Variants in CNTNAP5 observed in about 807,000 individuals in gnomAD.
The protein encoded by CNTNAP5 is contactin-associated protein-like 5.
Under a neutral mutation model 150.2 loss-of-function variants are expected in CNTNAP5, and 72 were observed. The ratio of observed to expected loss-of-function variants is 0.48; its 90% CI spans 0.40 to 0.58. The LOEUF (loss-of-function observed/expected upper bound fraction) is 0.58, where lower values mean the gene tolerates loss of function less well. Ranked by LOEUF, CNTNAP5 falls within the 20% of genes least tolerant of loss-of-function variation. The probability of loss-of-function intolerance (pLI) is 0.00; values close to 1 mark genes in which losing one functional copy is unlikely to be tolerated. For synonymous variants in CNTNAP5, 672 were observed against 619.8 expected, an observed-to-expected ratio of 1.08 and a Z score of -1.25; for missense variants, 1,636 against 1,626.2, an observed-to-expected ratio of 1.01 and a Z score of -0.10.
chr2:124,454,130 C>T (rs561069452), intron 6 of CNTNAP5, among the ~76,000 whole-genome samples: 50 of 152,210 alleles, frequency 3.3e-4, no homozygotes, highest in Admixed American at 5.2e-4. Context: ...AGTTCACCAA[C>T]CAACTATCTG....
intron 1 of CNTNAP5, among the ~76,000 whole-genome samples, chr2:124,161,889 T>C (rs1684689483): frequency 6.6e-6 from 1 of 152,170 alleles, no homozygotes; most frequent in African/African-American, 2.4e-5. Context: ...TTATGGATGA[T>C]TGGAAAATAT....
At chr2:124,831,927 G>C (rs1682724482) in intron 19 of CNTNAP5, among the ~76,000 whole-genome samples, 1 of 151,950 alleles carries the variant, frequency 6.6e-6, no homozygotes, top group South Asian at 2.1e-4. Context: ...TGAATATCAA[G>C]TGTTTACCTA....
chr2:124,398,212 A>G (rs1036554375), intron 3 of CNTNAP5, among the ~76,000 whole-genome samples: 2 of 152,106 alleles, frequency 1.3e-5, no homozygotes, highest in African/African-American at 4.8e-5. Context: ...GAGGAGACCA[A>G]CCTAAATACA....
chr2:124,215,646 G>C (rs543394423), intron 1 of CNTNAP5, among the ~76,000 whole-genome samples: 47 of 140,140 alleles, frequency 3.4e-4, no homozygotes, highest in Non-Finnish European at 5.0e-4. Context: ...CTGTTTGTTT[G>C]ACTTCTGCCC....
intron 1 of CNTNAP5, among the ~76,000 whole-genome samples, chr2:124,192,817 T>C (rs1211949958): frequency 6.6e-6 from 1 of 152,170 alleles, no homozygotes; most frequent in Non-Finnish European, 1.5e-5. Flanking sequence ...CTTCTCCTGG[T>C]CTTGCTGTAT....
intron 3 of CNTNAP5, among the ~76,000 whole-genome samples, chr2:124,289,968 C>T (rs900054766): frequency 6.6e-6 from 1 of 152,038 alleles, no homozygotes; most frequent in Non-Finnish European, 1.5e-5. Flanking sequence ...ATTTATTATT[C>T]CAAATTTATT....
chr2:124,369,794 C>T (rs1558871531), intron 3 of CNTNAP5, among the ~76,000 whole-genome samples: 1 of 152,124 alleles, frequency 6.6e-6, no homozygotes, highest in Non-Finnish European at 1.5e-5. Flanking sequence ...GAGGTCTTGA[C>T]TATATCTATT....
At chr2:124,419,960 T>TCCTTTTTTC (rs1558894078) in intron 4 of CNTNAP5, among the ~76,000 whole-genome samples, 10 of 16,954 alleles carry the variant, frequency 5.9e-4, no homozygotes, top group African/African-American at 1.4e-3. Context: ...TTCTTTCCTT[T>TCCTTTTTTC]TCTCTCTCTC....
chr2:124,030,969 T>TCTGC (rs1448409661), intron 1 of CNTNAP5, among the ~76,000 whole-genome samples: 1 of 152,100 alleles, frequency 6.6e-6, no homozygotes, highest in Non-Finnish European at 1.5e-5. Context: ...CTGATCTGGC[T>TCTGC]CTGCTAAACC....
intron 1 of CNTNAP5, among the ~76,000 whole-genome samples, chr2:124,033,148 T>A (rs1055432752): frequency 6.6e-6 from 1 of 152,190 alleles, no homozygotes; most frequent in Non-Finnish European, 1.5e-5. Flanking sequence ...TTTGTGCATA[T>A]TCTTGGGGGT....
At chr2:124,697,970 T>A (rs1199627874) in intron 13 of CNTNAP5, among the ~76,000 whole-genome samples, 1 of 152,094 alleles carries the variant, frequency 6.6e-6, no homozygotes, top group East Asian at 1.9e-4. Flanking sequence ...AGACAGAGGA[T>A]GGACTCATAG....
At position 124,517,263 on chromosome 2, in the gene CNTNAP5, GTGTGGTGGTGGTGATGAGGGT is replaced by G. The variant is rs1420664104; in HGVS notation, c.1328-7032_1328-7012del. Among the ~76,000 whole-genome samples the G allele has an allele frequency of 8.6e-5, 13 of 150,932 alleles. No homozygotes were observed. In the East Asian group the frequency reaches 2.6e-3, roughly 30 times the overall value. On this transcript the variant is annotated intron_variant, in intron 8 of 23. Transcript: ENST00000682447. ...GGGAGATTGTAATGTTGGTGATGAG[GTGTGGTGGTGGTGATGAGGGT>G]TGTGGTGTTGGTGATGGAGGGTTGT...
chr2:124,102,064 A>G (rs915073525), intron 1 of CNTNAP5, among the ~76,000 whole-genome samples: 1 of 152,140 alleles, frequency 6.6e-6, no homozygotes, highest in Admixed American at 6.5e-5. Flanking sequence ...ATGTGGCTCT[A>G]TGACCTCCCC....
chr2:124,443,823 T>A (rs1191221582), intron 5 of CNTNAP5, among the ~76,000 whole-genome samples: 1 of 151,042 alleles, frequency 6.6e-6, no homozygotes, highest in Admixed American at 6.6e-5. Context: ...CGTGTGTGTG[T>A]GTGTGTGTGT....
intron 19 of CNTNAP5, among the ~76,000 whole-genome samples, chr2:124,807,667 T>C (rs941931043): frequency 3.3e-5 from 5 of 152,188 alleles, no homozygotes; most frequent in African/African-American, 1.2e-4. Flanking sequence ...TTATAAACTC[T>C]TCTGCTTTGT....
intron 3 of CNTNAP5, among the ~76,000 whole-genome samples, chr2:124,249,961 T>TTGTG (rs36078434): frequency 3.2e-4 from 38 of 118,710 alleles, no homozygotes; most frequent in East Asian, 1.1e-3. Context: ...ATGAATTCTT[T>TTGTG]TGTGTGTGTG....
chr2:124,279,224 AGTGTGT>A (rs10564494), intron 3 of CNTNAP5, among the ~76,000 whole-genome samples: 23 of 150,148 alleles, frequency 1.5e-4, no homozygotes, highest in East Asian at 7.9e-4. Context: ...AACTGTAGGA[AGTGTGT>A]GTGTGTGTGT....
At chr2:124,320,053 C>A (rs925780221) in intron 3 of CNTNAP5, among the ~76,000 whole-genome samples, 20 of 152,194 alleles carry the variant, frequency 1.3e-4, no homozygotes, top group African/African-American at 4.8e-4. Flanking sequence ...AGGTATGTTA[C>A]AGTCTTTTTA....
chr2:124,611,318 G>A (rs1240882936), intron 12 of CNTNAP5, among the ~76,000 whole-genome samples: 1 of 152,236 alleles, frequency 6.6e-6, no homozygotes, highest in African/African-American at 2.4e-5. Context: ...GAAATGGTGA[G>A]TAAGGAAGCA....
Sources: allele counts gnomAD v4.1 joint callset (sites outside exome capture counted in the v4.1 genomes callset), GRCh38; gene constraint gnomAD v4.1.1; transcripts MANE v1.5; gene names NCBI Gene and HGNC (gene_info 2026-07-23, HGNC 2026-07-21).